Variants in SLFN5 observed in about 807,000 individuals in gnomAD.
SLFN5 encodes the protein schlafen family member 5.
In SLFN5, 34 loss-of-function variants were observed where a neutral mutation model predicts 48.5. That is an observed-to-expected ratio of 0.70 (90% confidence interval 0.53 to 0.93). The LOEUF is 0.93. SLFN5 is among the 40% of genes least tolerant of loss of function. The pLI is 0.00. For synonymous variants in SLFN5, 387 were observed against 396.2 expected, an observed-to-expected ratio of 0.98 and a Z score of 0.28; for missense variants, 1,006 against 1,071.3, an observed-to-expected ratio of 0.94 and a Z score of 0.85.
intron 1 of SLFN5, among the ~76,000 whole-genome samples, chr17:35,254,337 G>A (rs72825905): frequency 0.034 from 5,221 of 152,220 alleles, 105 homozygotes; most frequent in Middle Eastern, 0.065. Flanking sequence ...GTGCAGTTTT[G>A]CCTGTGATCT....
At chr17:35,255,629 C>T (rs963385231) in intron 1 of SLFN5, among the ~76,000 whole-genome samples, 4 of 152,100 alleles carry the variant, frequency 2.6e-5, no homozygotes, top group Non-Finnish European at 4.4e-5. Flanking sequence ...AAAGCTTGTA[C>T]TTGTATAACA....
Position 35,265,223 on chromosome 17 carries a change from A to G in SLFN5, c.2011A>G (p.Thr671Ala). The change falls in exon 5 of 5, where the codon ACA becomes GCA. Residue 671 changes from threonine (T) to alanine (A), a missense_variant. Coordinates refer to ENST00000299977, the MANE Select transcript of SLFN5 (RefSeq NM_144975.4). Reference protein sequence around the residue: ...WYGKAKFITQTARDGPGVLWI... With the variant: ...WYGKAKFITQAARDGPGVLWI... ...TGGGAAAGCAAAGTTCATCACTCAGACAGCAAGGGATGGCCCAGGAGTTCT... is the reference window on the plus strand; with the variant it reads ...TGGGAAAGCAAAGTTCATCACTCAGGCAGCAAGGGATGGCCCAGGAGTTCT... The G allele has an allele frequency of 6.2e-7, 1 of 1,614,214 alleles. No individual in the cohort carries two copies. The highest frequency in any genetic ancestry group is 8.5e-7 in the Non-Finnish European group (1 of 1,180,042).
chr17:35,261,759 T>G (rs927506943), intron 3 of SLFN5, among the ~76,000 whole-genome samples: 1 of 147,588 alleles, frequency 6.8e-6, no homozygotes, highest in Non-Finnish European at 1.5e-5. Flanking sequence ...CATTGCAACC[T>G]TCACCTCCCG....
Position 35,270,845 on chromosome 17 carries a change from T to TTAC in SLFN5, c.*4957_*4958insTAC, listed in dbSNP as rs1303529841. 1.3e-5 allele frequency: 2 copies of TTAC among 152,104 alleles called. No individual in the cohort carries two copies. The highest frequency in any genetic ancestry group is 2.4e-5 in the African/African-American group (1 of 41,424). 9.4% of individuals were successfully genotyped at this position (152,104 alleles called of 1,614,324 possible). A position where few individuals can be genotyped will look rare whatever the true frequency, so the allele number is the denominator to read the frequency against. The stretch of plus-strand genomic sequence containing the variant: ...AAATGTCTCCAGACATCGCCAAATG[T>TTAC]CCCTTGGGGGGTAAAATCACCACCA... On this transcript the variant is annotated 3_prime_UTR_variant, in exon 5 of 5. Coordinates refer to ENST00000299977, the MANE Select transcript of SLFN5 (RefSeq NM_144975.4).
Position 35,249,539 on chromosome 17 carries a change from C to T in SLFN5, c.-41+6396C>T, listed in dbSNP as rs2092437802. Among the ~76,000 whole-genome samples, 5 of 152,298 alleles carry T rather than the reference C, an allele frequency of 3.3e-5. No individual in the cohort carries two copies. The South Asian group carries it at 1.0e-3, about 32-fold the overall frequency. ...TATGTTAAACACTGTCCCTTTTGCTCAATCTCTTCCTCTGAGTAAACATAC... is the reference window on the plus strand; with the variant it reads ...TATGTTAAACACTGTCCCTTTTGCTTAATCTCTTCCTCTGAGTAAACATAC... On this transcript the variant is annotated intron_variant, in intron 1 of 4. Coordinates refer to ENST00000299977, the MANE Select transcript of SLFN5 (RefSeq NM_144975.4).
chr17:35,246,642 G>T (rs998272470), intron 1 of SLFN5, among the ~76,000 whole-genome samples: 1 of 152,130 alleles, frequency 6.6e-6, no homozygotes, highest in African/African-American at 2.4e-5. Context: ...ATCACTTGAG[G>T]TCAGGAGTTT....
chr17:35,256,341 A>G (rs1241362927), intron 1 of SLFN5, among the ~76,000 whole-genome samples: 1 of 152,220 alleles, frequency 6.6e-6, no homozygotes, highest in Non-Finnish European at 1.5e-5. Context: ...CCTGGGCAAC[A>G]AGAAGTAGAC....
Position 35,265,892 on chromosome 17 carries a change from G to A in SLFN5, c.*4G>A, listed in dbSNP as rs776735658. On this transcript the variant is annotated 3_prime_UTR_variant, in exon 5 of 5. Coordinates refer to ENST00000299977, the MANE Select transcript of SLFN5 (RefSeq NM_144975.4). ...TATTCTGAAGGCTTCTGTGTGACAGGAAACCCAAGCCTAAGAAACAATTAA... is the reference window on the plus strand; with the variant it reads ...TATTCTGAAGGCTTCTGTGTGACAGAAAACCCAAGCCTAAGAAACAATTAA... 5 of 1,572,352 alleles carry A rather than the reference G, an allele frequency of 3.2e-6. No individual in the cohort carries two copies. The highest frequency in any genetic ancestry group is 1.8e-4 in the Middle Eastern group (1 of 5,576).
chr17:35,255,927 A>G (rs1005004461), intron 1 of SLFN5, among the ~76,000 whole-genome samples: 5 of 152,160 alleles, frequency 3.3e-5, no homozygotes, highest in Admixed American at 3.3e-4. Flanking sequence ...TTATGATATT[A>G]CTACCTATAT....
intron 1 of SLFN5, among the ~76,000 whole-genome samples, chr17:35,251,104 C>T (rs1199493177): frequency 6.6e-6 from 1 of 152,184 alleles, no homozygotes; most frequent in Non-Finnish European, 1.5e-5. Context: ...AACCTGAAAT[C>T]AGTTCTTCAA....
intron 1 of SLFN5, among the ~76,000 whole-genome samples, chr17:35,245,958 C>G (rs952572805): frequency 6.6e-6 from 1 of 151,990 alleles, no homozygotes; most frequent in East Asian, 1.9e-4. Flanking sequence ...TATATCCCTA[C>G]AAGGAGTATA....
chr17:35,265,595 AC>A lies in SLFN5; in HGVS notation c.2385del (p.Ala797GlnfsTer12). The A allele has an allele frequency of 6.2e-7, 1 of 1,614,216 alleles. No individual in the cohort carries two copies. The highest frequency in any genetic ancestry group is 1.1e-5 in the South Asian group (1 of 91,086). On this transcript the variant is annotated frameshift_variant, in exon 5 of 5. Coordinates refer to ENST00000299977, the MANE Select transcript of SLFN5 (RefSeq NM_144975.4). LOFTEE classifies it low-confidence loss of function (END_TRUNC). ...TCCGAAGGATATTGCTGTGCTTTTCACCAAAGCAAGTGAAGTGGAAAAATAT... is the reference window on the plus strand; with the variant it reads ...TCCGAAGGATATTGCTGTGCTTTTCACAAAGCAAGTGAAGTGGAAAAATAT... ...YSPKDIAVLF[T>X]KASEVEKYKD... is the part of the protein sequence containing the mutation.
chr17:35,259,775 G>C (rs929013328), intron 2 of SLFN5, 73 bp downstream of exon 2: 51 of 1,512,610 alleles, frequency 3.4e-5, no homozygotes, highest in Non-Finnish European at 4.5e-5. Context: ...GAGGAAAGAG[G>C]GATATGGTAT....
intron 1 of SLFN5, among the ~76,000 whole-genome samples, chr17:35,257,098 C>T (rs1317215138): frequency 6.6e-6 from 1 of 152,138 alleles, no homozygotes. Flanking sequence ...TCCTCACCAA[C>T]CCCCAACCCC....
chr17:35,253,095 G>A (rs982169185), intron 1 of SLFN5, among the ~76,000 whole-genome samples: 7 of 152,022 alleles, frequency 4.6e-5, no homozygotes, highest in African/African-American at 1.7e-4. Flanking sequence ...GAGAGATTTG[G>A]TATCTGGAGA....
chr17:35,268,834 C>G lies in SLFN5; in HGVS notation c.*2946C>G, dbSNP rs1374361040. On this transcript the variant is annotated 3_prime_UTR_variant, in exon 5 of 5. Transcript: ENST00000299977. ...CCCACTGTACCCAATTTCTCCCTCT[C>G]TGAACTGCAGCCTAGAAACTCTCTA... 6.6e-6 allele frequency: 1 copy of G among 152,248 alleles called. No homozygotes were observed. The highest frequency in any genetic ancestry group is 2.4e-5 in the African/African-American group (1 of 41,462). The allele number at this position is 152,248 out of a possible 1,614,324, so 9.4% of individuals were successfully genotyped here. A position where few individuals can be genotyped will look rare whatever the true frequency, so the allele number is the denominator to read the frequency against.
chr17:35,263,673 A>G (rs1449172251), intron 3 of SLFN5, among the ~76,000 whole-genome samples: 3 of 151,986 alleles, frequency 2.0e-5, no homozygotes, highest in Non-Finnish European at 4.4e-5. Context: ...AAATACAAAA[A>G]TTAGCCAGGC....
At position 35,259,259 on chromosome 17, in the gene SLFN5, C is replaced by G; in HGVS notation, c.569C>G (p.Pro190Arg). The change falls in exon 2 of 5, where the codon CCT (proline) becomes CGT (arginine). Residue 190 changes from proline to arginine, a missense_variant. Transcript: ENST00000299977. ...CAGTATCTGGAAAAACTCAACCTTC[C>G]TGAGTCCACACATGTTGAATTTGTA... ...RLQYLEKLNL[P>R]ESTHVEFVMF... The G allele has an allele frequency of 1.9e-6, 3 of 1,614,174 alleles. No homozygotes were observed. The highest frequency in any genetic ancestry group is 2.5e-6 in the Non-Finnish European group (3 of 1,180,048).
intron 3 of SLFN5, 145 bp from the exon 4 acceptor site, chr17:35,264,038 G>T (rs1465762720): frequency 9.6e-7 from 1 of 1,044,878 alleles, no homozygotes; most frequent in Non-Finnish European, 1.3e-6. Flanking sequence ...ATCAAAATAA[G>T]AATTGTTTAT....
Sources: allele counts gnomAD v4.1 joint callset (sites outside exome capture counted in the v4.1 genomes callset), GRCh38; gene constraint gnomAD v4.1.1; transcripts MANE v1.5; gene names NCBI Gene and HGNC (gene_info 2026-07-23, HGNC 2026-07-21).